Variants in FAM240B observed in about 807,000 individuals in gnomAD.
The protein encoded by FAM240B is family with sequence similarity 240 member B.
intron 2 of FAM240B, among the ~76,000 whole-genome samples, chr9:38,699,036 G>A (rs191881615): frequency 1.1e-3 from 173 of 152,332 alleles, no homozygotes; most frequent in African/African-American, 3.8e-3. Flanking sequence ...AGATACATCA[G>A]AAGAGCCATA....
intron 1 of FAM240B, among the ~76,000 whole-genome samples, 189 bp downstream of exon 1, chr9:38,719,816 AAGATGGAAAAACATCAG>A (rs1821351112): frequency 6.6e-6 from 1 of 152,208 alleles, no homozygotes; most frequent in African/African-American, 2.4e-5. Flanking sequence ...CATTTAGGAA[AAGATGGAAAAACATCAG>A]AGATGGAAAA....
chr9:38,705,981 G>T (rs947934107), intron 1 of FAM240B, among the ~76,000 whole-genome samples: 1 of 152,154 alleles, frequency 6.6e-6, no homozygotes, highest in Non-Finnish European at 1.5e-5. Context: ...GGAGATGCAG[G>T]GACAGAAGAG....
intron 2 of FAM240B, among the ~76,000 whole-genome samples, chr9:38,696,651 CA>C (rs1018401942): frequency 6.7e-6 from 1 of 150,250 alleles, no homozygotes; most frequent in Admixed American, 6.6e-5. Flanking sequence ...CTACTAAAAA[CA>C]AAAAAAAATA....
chr9:38,719,475 G>A (rs778175641), intron 1 of FAM240B, among the ~76,000 whole-genome samples: 1 of 152,038 alleles, frequency 6.6e-6, no homozygotes, highest in Non-Finnish European at 1.5e-5. Flanking sequence ...TTTGTGTGAG[G>A]CTCATGCACT....
chr9:38,700,728 A>G (rs933276878), intron 2 of FAM240B, among the ~76,000 whole-genome samples: 2 of 152,236 alleles, frequency 1.3e-5, no homozygotes, highest in African/African-American at 4.8e-5. Context: ...GGACTAACCC[A>G]TCCATGTTCT....
chr9:38,702,002 C>CTA (rs1159256118), intron 2 of FAM240B, among the ~76,000 whole-genome samples: 1 of 152,056 alleles, frequency 6.6e-6, no homozygotes, highest in South Asian at 2.1e-4. Flanking sequence ...CCTTTACATA[C>CTA]TATATATATA....
At chr9:38,713,274 C>T (rs771534342) in intron 1 of FAM240B, among the ~76,000 whole-genome samples, 2 of 152,008 alleles carry the variant, frequency 1.3e-5, no homozygotes, top group African/African-American at 2.4e-5. Flanking sequence ...GTCAGGAGAT[C>T]GAGACCATCC....
intron 2 of FAM240B, among the ~76,000 whole-genome samples, chr9:38,696,715 G>A (rs1821074161): frequency 6.6e-6 from 1 of 152,142 alleles, no homozygotes; most frequent in South Asian, 2.1e-4. Context: ...CCGGGAGGCT[G>A]AGGCAGGAGA....
At chr9:38,702,034 A>G (rs967754295) in intron 2 of FAM240B, among the ~76,000 whole-genome samples, 1 of 152,134 alleles carries the variant, frequency 6.6e-6, no homozygotes, top group Non-Finnish European at 1.5e-5. Context: ...ATCTTGACAA[A>G]AATAAGATCA....
intron 2 of FAM240B, among the ~76,000 whole-genome samples, chr9:38,698,024 T>A (rs1821086544): frequency 6.6e-6 from 1 of 152,258 alleles, no homozygotes; most frequent in Non-Finnish European, 1.5e-5. Flanking sequence ...TTTATTTACA[T>A]ATGGCTATGG....
chr9:38,708,872 A>G (rs545749311), intron 1 of FAM240B, among the ~76,000 whole-genome samples: 2 of 152,296 alleles, frequency 1.3e-5, no homozygotes, highest in South Asian at 2.1e-4. Flanking sequence ...AGGCTTATTT[A>G]TCTCTGTTGC....
At chr9:38,715,501 C>T (rs1429782915) in intron 1 of FAM240B, among the ~76,000 whole-genome samples, 2 of 152,208 alleles carry the variant, frequency 1.3e-5, no homozygotes, top group African/African-American at 4.8e-5. Flanking sequence ...GTTTAGAAGG[C>T]TCTGTGGCAA....
chr9:38,707,931 G>T (rs1012401070), intron 1 of FAM240B, among the ~76,000 whole-genome samples: 1 of 152,088 alleles, frequency 6.6e-6, no homozygotes, highest in Non-Finnish European at 1.5e-5. Context: ...AGTAGCTTGA[G>T]AGTAGTGGGC....
chr9:38,715,315 G>A (rs1821294485), intron 1 of FAM240B, among the ~76,000 whole-genome samples: 1 of 152,194 alleles, frequency 6.6e-6, no homozygotes, highest in Non-Finnish European at 1.5e-5. Context: ...TCTGTAAAAT[G>A]GAACAACATG....
At chr9:38,707,905 G>A (rs963076623) in intron 1 of FAM240B, among the ~76,000 whole-genome samples, 1 of 152,066 alleles carries the variant, frequency 6.6e-6, no homozygotes, top group African/African-American at 2.4e-5. Flanking sequence ...CACTTATAGG[G>A]TCTCTGTTTT....
chr9:38,699,013 G>T (rs1821094509), intron 2 of FAM240B, among the ~76,000 whole-genome samples: 2 of 152,178 alleles, frequency 1.3e-5, no homozygotes, highest in African/African-American at 2.4e-5. Flanking sequence ...CTTAAAACTT[G>T]ACTTACAAAT....
chr9:38,717,407 C>T (rs967065425), intron 1 of FAM240B, among the ~76,000 whole-genome samples: 8 of 151,952 alleles, frequency 5.3e-5, no homozygotes, highest in African/African-American at 1.7e-4. Flanking sequence ...GGTGAAACCC[C>T]GTCTCTACTA....
At chr9:38,710,345 T>C (rs1821240406) in intron 1 of FAM240B, among the ~76,000 whole-genome samples, 1 of 152,218 alleles carries the variant, frequency 6.6e-6, no homozygotes, top group South Asian at 2.1e-4. Context: ...AGAACCCAGA[T>C]AACTGTGTTG....
chr9:38,704,776 C>T (rs1292451369), intron 1 of FAM240B, among the ~76,000 whole-genome samples: 1 of 152,184 alleles, frequency 6.6e-6, no homozygotes, highest in Non-Finnish European at 1.5e-5. Flanking sequence ...ACTGTGCCAT[C>T]TGATGCTCAC....
Sources: allele counts gnomAD v4.1 joint callset (sites outside exome capture counted in the v4.1 genomes callset), GRCh38; gene constraint gnomAD v4.1.1; transcripts MANE v1.5; gene names NCBI Gene and HGNC (gene_info 2026-07-23, HGNC 2026-07-21).